The following GRIP1 variants were observed in gnomAD, a reference collection of about 807,000 sequenced individuals.
GRIP1 encodes the protein glutamate receptor interacting protein 1.
Under a neutral mutation model 129.9 loss-of-function variants are expected in GRIP1, and 45 were observed. The observed-to-expected ratio is 0.35, with a 90% CI of 0.27 to 0.44. The LOEUF (loss-of-function observed/expected upper bound fraction) is 0.44, where lower values mean the gene tolerates loss of function less well. Ranked by LOEUF, GRIP1 falls within the 20% of genes least tolerant of loss-of-function variation. The pLI, the probability that GRIP1 is intolerant of heterozygous loss-of-function variation, is 1.00. For synonymous variants in GRIP1, 530 were observed against 520.8 expected (o/e 1.02, Z -0.24); for missense variants, 1,196 against 1,396.8 (o/e 0.86, Z 2.29).
intron 2 of GRIP1, among the ~76,000 whole-genome samples, chr12:66,570,522 A>T (rs1171184045): frequency 6.6e-6 from 1 of 152,132 alleles, no homozygotes; most frequent in Non-Finnish European, 1.5e-5. Flanking sequence ...TCCACATAAG[A>T]TTTTGAAAAG....
intron 1 of GRIP1, among the ~76,000 whole-genome samples, chr12:66,998,826 G>A (rs1023885611): frequency 2.0e-5 from 3 of 152,032 alleles, no homozygotes; most frequent in African/African-American, 7.2e-5. Flanking sequence ...CTCTCTTCCT[G>A]GCTGCATTAA....
intron 1 of GRIP1, among the ~76,000 whole-genome samples, chr12:66,742,387 A>C (rs137884270): frequency 2.3e-3 from 351 of 152,316 alleles, no homozygotes; most frequent in African/African-American, 8.0e-3. Context: ...GAACCAGTAT[A>C]AATTGCTACA....
intron 1 of GRIP1, among the ~76,000 whole-genome samples, chr12:66,874,714 A>T (rs1681721277): frequency 6.6e-6 from 1 of 152,028 alleles, no homozygotes; most frequent in Non-Finnish European, 1.5e-5. Context: ...CTCACTCACT[A>T]TCATGAGATT....
At chr12:66,845,406 G>T (rs528337205) in intron 1 of GRIP1, among the ~76,000 whole-genome samples, 17 of 152,272 alleles carry the variant, frequency 1.1e-4, no homozygotes, top group Middle Eastern at 6.8e-3. Context: ...GCAGTGAGCC[G>T]AGATCAGGCC....
chr12:66,754,096 C>T (rs1417909739), intron 1 of GRIP1, among the ~76,000 whole-genome samples: 2 of 152,142 alleles, frequency 1.3e-5, no homozygotes, highest in Admixed American at 6.5e-5. Context: ...CTCTTAGTTG[C>T]CCCTTAGGGG....
At chr12:66,542,756 A>G (rs2061826174) in intron 2 of GRIP1, among the ~76,000 whole-genome samples, 2 of 152,218 alleles carry the variant, frequency 1.3e-5, no homozygotes, top group Admixed American at 6.5e-5. Flanking sequence ...TCCAGAGGCT[A>G]ATTAGGATAA....
chr12:66,408,401 C>A, intron 15 of GRIP1, among the ~76,000 whole-genome samples: 1 of 152,166 alleles, frequency 6.6e-6, no homozygotes, highest in Non-Finnish European at 1.5e-5. Flanking sequence ...ATCACTTGAA[C>A]CTGGGAGGTG....
At chr12:66,793,403 G>A (rs553099248) in intron 1 of GRIP1, among the ~76,000 whole-genome samples, 3 of 152,170 alleles carry the variant, frequency 2.0e-5, no homozygotes, top group Admixed American at 6.6e-5. Context: ...TCCAGTCCAA[G>A]TATGCTGTGA....
At chr12:66,447,545 T>C (rs1049184046) in intron 11 of GRIP1, among the ~76,000 whole-genome samples, 1 of 152,168 alleles carries the variant, frequency 6.6e-6, no homozygotes, top group African/African-American at 2.4e-5. Context: ...CAACATTCTG[T>C]TTAGCCTCAA....
chr12:67,068,687 C>G (rs1279418290), intron 1 of GRIP1, among the ~76,000 whole-genome samples: 1 of 150,776 alleles, frequency 6.6e-6, no homozygotes, highest in Non-Finnish European at 1.5e-5. Context: ...TCCATGCCCA[C>G]CATCACCCCC....
intron 1 of GRIP1, among the ~76,000 whole-genome samples, chr12:67,036,619 C>T (rs1479755319): frequency 2.0e-5 from 3 of 152,132 alleles, no homozygotes; most frequent in Non-Finnish European, 4.4e-5. Context: ...GCGTGAGCCA[C>T]CGCACCCAGC....
At chr12:66,447,814 A>T (rs11176186) in intron 11 of GRIP1, among the ~76,000 whole-genome samples, 11,740 of 152,208 alleles carry the variant, frequency 0.077, 1,262 homozygotes, top group African/African-American at 0.24. Context: ...TTCTGCCTTC[A>T]CCATTTACTG....
At chr12:66,798,022 G>A (rs2038750739) in intron 1 of GRIP1, among the ~76,000 whole-genome samples, 1 of 152,134 alleles carries the variant, frequency 6.6e-6, no homozygotes, top group East Asian at 1.9e-4. Flanking sequence ...GGAGAAACAG[G>A]AGCATTTTAA....
chr12:67,027,340 T>C (rs886706722), intron 1 of GRIP1, among the ~76,000 whole-genome samples: 7 of 152,214 alleles, frequency 4.6e-5, no homozygotes, highest in Non-Finnish European at 7.3e-5. Context: ...TGGCTTGTGA[T>C]AGTTGTCTGT....
chr12:66,961,235 A>C (rs1257861976), intron 1 of GRIP1, among the ~76,000 whole-genome samples: 3 of 152,134 alleles, frequency 2.0e-5, no homozygotes, highest in Non-Finnish European at 4.4e-5. Flanking sequence ...GAGCAAACAA[A>C]ACAGGGAGGA....
chr12:66,391,509 A>G (rs112038618), intron 19 of GRIP1, among the ~76,000 whole-genome samples: 230 of 152,372 alleles, frequency 1.5e-3, no homozygotes, highest in African/African-American at 4.7e-3. Flanking sequence ...ACCTATGAAG[A>G]AAAATCTACT....
chr12:66,512,179 C>T (rs2060718816), intron 7 of GRIP1, among the ~76,000 whole-genome samples: 1 of 152,078 alleles, frequency 6.6e-6, no homozygotes. Flanking sequence ...TTAGGTAGTT[C>T]TTTAGAGCAG....
In GRIP1 at chr12:66,539,243, G is replaced by T. The variant is rs1446307429; in HGVS notation, c.273-20C>A. On this transcript the variant is annotated intron_variant, in intron 3 of 24. Coordinates refer to ENST00000359742, the MANE Select transcript of GRIP1 (RefSeq NM_001366722.1). ...TCACTTCTGCAAAATAGACAATGTT[G>T]TTTCAACAGACCCACCCTCTCCATA... The T allele has an allele frequency of 2.5e-6, 4 of 1,613,880 alleles. No homozygotes were observed. In the East Asian group the frequency reaches 6.7e-5, roughly 27 times the overall value.
chr12:66,537,132 T>C (rs542982265), intron 4 of GRIP1, among the ~76,000 whole-genome samples: 1 of 152,336 alleles, frequency 6.6e-6, no homozygotes, highest in Admixed American at 6.5e-5. Context: ...TTGAAAACTT[T>C]GATAGTGCCA....
Sources: gnomAD v4.1 joint callset for allele counts (sites outside exome capture counted in the v4.1 genomes callset) on GRCh38, gnomAD v4.1.1 for gene constraint, MANE v1.5 for transcripts, NCBI Gene and HGNC (gene_info 2026-07-23, HGNC 2026-07-21) for gene names.